The following C1orf115 variants were observed in gnomAD, a reference collection of about 807,000 sequenced individuals.
C1orf115 encodes the protein chromosome 1 open reading frame 115.
C1orf115 carries 14 observed loss-of-function variants against 12.5 expected under a neutral mutation model. That is an observed-to-expected ratio of 1.12 (90% confidence interval 0.74 to 1.75). The LOEUF (loss-of-function observed/expected upper bound fraction) is 1.75. Among genes scored for constraint, C1orf115 ranks in the 40% most tolerant of loss-of-function variants. The pLI is 0.00. For missense variants in C1orf115, 237 were observed against 220.8 expected (o/e 1.07, Z -0.46); for synonymous variants, 109 against 104.6 (o/e 1.04, Z -0.26).
rs188637818 is a variant in C1orf115, at chr1:220,691,644, A to G, written c.309+933A>G. ...GGAGCAGAATACAGGCAGGGGTAAA[A>G]CTATAAAGTTGGGTCTTTCAGGCTT... On this transcript the variant is annotated intron_variant, in intron 1 of 1. Transcript: ENST00000294889. Among the ~76,000 whole-genome samples the G allele has an allele frequency of 6.6e-5, 10 of 152,316 alleles. No homozygotes were observed. The East Asian group carries it at 1.9e-3, about 29-fold the overall frequency.
intron 1 of C1orf115, among the ~76,000 whole-genome samples, chr1:220,694,963 T>C (rs1018644290): frequency 4.6e-5 from 7 of 152,046 alleles, no homozygotes; most frequent in Admixed American, 2.0e-4. Flanking sequence ...CCTATTTAGG[T>C]AGGGGAGAAC....
chr1:220,698,104 C>T lies in C1orf115; in HGVS notation c.*1373C>T, dbSNP rs867336113. 2 of 152,692 alleles carry T rather than the reference C, an allele frequency of 1.3e-5. No homozygotes were observed. Among genetic ancestry groups the T allele is most frequent in the African/African-American group, 4.8e-5 (2 of 41,418 alleles). 9.5% of individuals were successfully genotyped at this position (152,692 alleles called of 1,614,324 possible). ...ATGAAAGGAGGTCCTCTTACCATAC[C>T]CCTCTGCCAACCCCCCAGTAGGCCA... On this transcript the variant is annotated 3_prime_UTR_variant, in exon 2 of 2. Transcript: ENST00000294889.
intron 1 of C1orf115, among the ~76,000 whole-genome samples, chr1:220,691,780 A>G (rs181667368): frequency 6.6e-6 from 1 of 152,332 alleles, no homozygotes; most frequent in East Asian, 1.9e-4. Flanking sequence ...CAGCTCAAGG[A>G]CTAGGACTTG....
intron 1 of C1orf115, among the ~76,000 whole-genome samples, chr1:220,691,920 C>A (rs1024322745): frequency 6.6e-6 from 1 of 152,086 alleles, no homozygotes; most frequent in Non-Finnish European, 1.5e-5. Flanking sequence ...ATAGCTGGCT[C>A]CCCCCGCCCC....
intron 1 of C1orf115, among the ~76,000 whole-genome samples, chr1:220,694,344 C>G (rs1314394957): frequency 6.6e-6 from 1 of 152,142 alleles, no homozygotes; most frequent in East Asian, 1.9e-4. Context: ...CTCTTAACAA[C>G]CCAATGAGGT....
intron 1 of C1orf115, among the ~76,000 whole-genome samples, chr1:220,695,494 GTTTTT>G (rs10602094): frequency 1.7e-5 from 2 of 116,390 alleles, no homozygotes; most frequent in African/African-American, 6.8e-5. Flanking sequence ...CGATGTCTGG[GTTTTT>G]TTTTTTTTTT....
intron 1 of C1orf115, among the ~76,000 whole-genome samples, chr1:220,691,497 C>G (rs1046427572): frequency 1.3e-5 from 2 of 152,108 alleles, no homozygotes; most frequent in Admixed American, 1.3e-4. Flanking sequence ...GCCACGGGCC[C>G]CATCTGATTT....
rs867181738 is a variant in C1orf115 at position 220,690,501 on chromosome 1, C to A, written c.99C>A (p.Ala33=). Residue 33 remains alanine (A), a synonymous_variant, in exon 1 of 2, where the codon GCC becomes GCA. Coordinates refer to ENST00000294889, the MANE Select transcript of C1orf115 (RefSeq NM_024709.5). ...GAACCGAGGGGGACGAGGAGGCGGC[C>A]GCCATCCTGGAGCACCTGGAGTACG... ...RGRTEGDEEA[A]AILEHLEYAD... is the part of the protein sequence containing the mutation. 2 of 1,433,468 alleles carry A rather than the reference C, an allele frequency of 1.4e-6. No individual in the cohort carries two copies. The highest frequency in any genetic ancestry group is 1.8e-6 in the Non-Finnish European group (2 of 1,099,546). 88.8% of individuals were successfully genotyped at this position (1,433,468 alleles called of 1,614,324 possible).
In C1orf115 at chr1:220,696,677, A is replaced by G. The variant is rs1434919400; in HGVS notation, c.375A>G (p.Ala125=). The G allele has an allele frequency of 2.5e-6, 4 of 1,604,006 alleles. No individual in the cohort carries two copies. Among genetic ancestry groups the G allele is most frequent in the Non-Finnish European group, 3.4e-6 (4 of 1,171,608 alleles). The change falls in exon 2 of 2, where the codon GCA becomes GCG. Residue 125 remains alanine, a synonymous_variant. Transcript: ENST00000294889. ...YVVIGLQGFA[A]AYSAPFAVAT... ...TCATCGGCCTGCAAGGCTTCGCTGC[A>G]GCCTACTCCGCCCCGTTTGCGGTAG...
At position 220,690,557 on chromosome 1, in the gene C1orf115, G is replaced by A. The variant is rs1258265136; in HGVS notation, c.155G>A (p.Gly52Glu). Reference sequence around the variant, plus strand: ...GAGGCGGAGGCGGCGGCCGAGAGCGGGACGAGCGCGGCGGACGAGCGGGGC... The same window carrying A: ...GAGGCGGAGGCGGCGGCCGAGAGCGAGACGAGCGCGGCGGACGAGCGGGGC... ...ADEAEAAAES[G>E]TSAADERGPG... The change falls in exon 1 of 2, where the codon GGG becomes GAG. Residue 52 changes from glycine to glutamate, a missense_variant. By Grantham distance (98) the Gly-to-Glu change is moderately conservative. Coordinates refer to ENST00000294889, the MANE Select transcript of C1orf115 (RefSeq NM_024709.5). 1.0e-5 allele frequency: 15 copies of A among 1,475,016 alleles called. No homozygotes were observed. The highest frequency in any genetic ancestry group is 1.3e-5 in the Non-Finnish European group (15 of 1,117,886). The allele number at this position is 1,475,016 out of a possible 1,614,324, so 91.4% of individuals were successfully genotyped here. A position where few individuals can be genotyped will look rare whatever the true frequency, so the allele number is the denominator to read the frequency against.
rs756751823 is a variant in C1orf115 at position 220,690,653 on chromosome 1, C to A, written c.251C>A (p.Pro84Gln). Reference sequence around the variant, plus strand: ...GAGCGCTACGAGCCACTGGAGGAGCCGGCGCCGAGCGAGCAGCCCAGGAAG... The same window carrying A: ...GAGCGCTACGAGCCACTGGAGGAGCAGGCGCCGAGCGAGCAGCCCAGGAAG... ...LPERYEPLEEPAPSEQPRKRY... is the reference protein window; with the variant it reads ...LPERYEPLEEQAPSEQPRKRY... Residue 84 changes from proline (P) to glutamine (Q), a missense_variant, in exon 1 of 2, where the codon CCG (proline) becomes CAG (glutamine). By Grantham distance (76) the Pro-to-Gln change is moderately conservative (BLOSUM62 -1). Transcript: ENST00000294889. The A allele has an allele frequency of 6.3e-7, 1 of 1,590,864 alleles. No homozygotes were observed. Among genetic ancestry groups the A allele is most frequent in the East Asian group, 2.3e-5 (1 of 42,988 alleles).
intron 1 of C1orf115, among the ~76,000 whole-genome samples, chr1:220,694,298 G>T (rs1670156256): frequency 6.6e-6 from 1 of 152,170 alleles, no homozygotes; most frequent in South Asian, 2.1e-4. Flanking sequence ...GCCAGGCCCT[G>T]TTCTCAGTGC....
chr1:220,693,509 A>C (rs79865171), intron 1 of C1orf115, among the ~76,000 whole-genome samples: 3,742 of 152,290 alleles, frequency 0.025, 165 homozygotes, highest in African/African-American at 0.085. Flanking sequence ...GATTCTTATC[A>C]CACATTTAAA....
intron 1 of C1orf115, 99 bp downstream of exon 1, chr1:220,690,810 G>A (rs976837450): frequency 2.0e-5 from 28 of 1,372,894 alleles, no homozygotes; most frequent in Non-Finnish European, 2.7e-5. Context: ...CAGTTTCTCC[G>A]GGCTGCACCT....
intron 1 of C1orf115, among the ~76,000 whole-genome samples, chr1:220,695,494 G>GTTTTTT (rs10602094): frequency 1.7e-5 from 2 of 116,390 alleles, no homozygotes; most frequent in Non-Finnish European, 3.4e-5. Context: ...CGATGTCTGG[G>GTTTTTT]TTTTTTTTTT....
rs537263853 is a variant in C1orf115, at chr1:220,695,119, A to G, written c.310-1493A>G. On this transcript the variant is annotated intron_variant, in intron 1 of 1. Transcript: ENST00000294889. ...GATGGCCATGACCAGACAGTCCCTC[A>G]TGGGTTGGGGTAGGAGCCGGAGTCA... Among the ~76,000 whole-genome samples, 4 of 152,310 alleles carry G rather than the reference A, an allele frequency of 2.6e-5. No individual in the cohort carries two copies. In the South Asian group the frequency reaches 8.3e-4, roughly 32 times the overall value.
chr1:220,693,433 A>C lies in C1orf115; in HGVS notation c.309+2722A>C, dbSNP rs547874968. Among the ~76,000 whole-genome samples, 9 of 152,346 alleles carry C rather than the reference A, an allele frequency of 5.9e-5. No homozygotes were observed. The South Asian group carries it at 1.9e-3, about 32-fold the overall frequency. On this transcript the variant is annotated intron_variant, in intron 1 of 1. Transcript: ENST00000294889. ...TTATAATGGATCACTCTTGATTGTTAAGCTTGTTCCCAGAGAATATGTTTT... is the reference window on the plus strand; with the variant it reads ...TTATAATGGATCACTCTTGATTGTTCAGCTTGTTCCCAGAGAATATGTTTT...
intron 1 of C1orf115, among the ~76,000 whole-genome samples, chr1:220,692,251 A>G (rs1670123219): frequency 6.6e-6 from 1 of 152,232 alleles, no homozygotes; most frequent in African/African-American, 2.4e-5. Flanking sequence ...TAAAAAGTTC[A>G]GTGTAGACTT....
Position 220,697,383 on chromosome 1 carries a change from C to G in C1orf115, c.*652C>G, listed in dbSNP as rs1670210896. Reference sequence around the variant, plus strand: ...AGTAGATAAAACCTTGTCATTTTACCCCATCCCTGCATGACTGTGAAGCTG... The same window carrying G: ...AGTAGATAAAACCTTGTCATTTTACGCCATCCCTGCATGACTGTGAAGCTG... On this transcript the variant is annotated 3_prime_UTR_variant, in exon 2 of 2. Coordinates refer to ENST00000294889, the MANE Select transcript of C1orf115 (RefSeq NM_024709.5). This position sits in a 1 kb window ranked among gnomAD's most constrained non-coding sequence, Gnocchi z 4.5. 1 of 152,138 alleles carries G rather than the reference C, an allele frequency of 6.6e-6. No homozygotes were observed. Among genetic ancestry groups the G allele is most frequent in the Non-Finnish European group, 1.5e-5 (1 of 68,056 alleles). The allele number at this position is 152,138 out of a possible 1,614,324, so 9.4% of individuals were successfully genotyped here.
Sources: gnomAD v4.1 joint callset for allele counts (sites outside exome capture counted in the v4.1 genomes callset) on GRCh38, gnomAD v4.1.1 for gene constraint, Gnocchi (gnomAD v3.1) non-coding constraint, MANE v1.5 for transcripts, NCBI Gene and HGNC (gene_info 2026-07-23, HGNC 2026-07-21) for gene names.